RAP1GDS1: variants seen among roughly 807,000 people sequenced by gnomAD.
RAP1GDS1 encodes Rap1 GTPase-GDP dissociation stimulator 1, also known as RAP1, GTP-GDP dissociation stimulator 1.
RAP1GDS1 carries 35 observed loss-of-function variants against 71.1 expected under a neutral mutation model. The ratio of observed to expected loss-of-function variants is 0.49; its 90% CI spans 0.38 to 0.65. The LOEUF (loss-of-function observed/expected upper bound fraction) is 0.65. RAP1GDS1 is among the 30% of genes least tolerant of loss of function. RAP1GDS1 has a pLI of 0.00. For synonymous variants in RAP1GDS1, 229 were observed against 243.1 expected (o/e 0.94, Z 0.54); for missense variants, 663 against 706.1 (o/e 0.94, Z 0.69).
At chr4:98,268,558 C>T (rs1233207156) in intron 1 of RAP1GDS1, among the ~76,000 whole-genome samples, 2 of 151,484 alleles carry the variant, frequency 1.3e-5, no homozygotes, top group African/African-American at 2.4e-5. Context: ...ACATAGAAAG[C>T]CTTAAAGACT....
intron 2 of RAP1GDS1, among the ~76,000 whole-genome samples, chr4:98,310,922 A>G (rs534055042): frequency 2.2e-4 from 34 of 152,108 alleles, no homozygotes; most frequent in Non-Finnish European, 5.0e-4. Context: ...GGCTCACTTT[A>G]TATTTCCCTT....
intron 1 of RAP1GDS1, among the ~76,000 whole-genome samples, chr4:98,293,028 G>A (rs1727194182): frequency 6.6e-6 from 1 of 152,092 alleles, no homozygotes; most frequent in Non-Finnish European, 1.5e-5. Flanking sequence ...ATGTACAACA[G>A]AGGAAGTGAA....
intron 1 of RAP1GDS1, among the ~76,000 whole-genome samples, chr4:98,292,536 C>T (rs1170865631): frequency 2.0e-5 from 3 of 149,282 alleles, no homozygotes; most frequent in African/African-American, 7.4e-5. Context: ...GTATGTTCTG[C>T]AGATGTAAGC....
At chr4:98,392,218 C>A in intron 6 of RAP1GDS1, 138 bp downstream of exon 6, 2 of 834,240 alleles carry the variant, frequency 2.4e-6, no homozygotes, top group Non-Finnish European at 3.4e-6. Flanking sequence ...ATATTTCCAT[C>A]AATATTTTAA....
chr4:98,301,518 C>G (rs1728583384), intron 2 of RAP1GDS1, among the ~76,000 whole-genome samples: 1 of 152,114 alleles, frequency 6.6e-6, no homozygotes, highest in Non-Finnish European at 1.5e-5. Context: ...TCCAGCATAA[C>G]TAGGAGACAG....
intron 4 of RAP1GDS1, among the ~76,000 whole-genome samples, chr4:98,377,003 T>C (rs1371490543): frequency 6.6e-6 from 1 of 151,986 alleles, no homozygotes; most frequent in Non-Finnish European, 1.5e-5. Context: ...ATTTACTAGC[T>C]TAGTGTGGAT....
chr4:98,351,366 A>G (rs1737162961), intron 3 of RAP1GDS1, among the ~76,000 whole-genome samples: 1 of 152,160 alleles, frequency 6.6e-6, no homozygotes, highest in South Asian at 2.1e-4. Flanking sequence ...TAGGAGGAAA[A>G]GAAGTTGTCT....
chr4:98,369,477 A>G (rs1445010281), intron 4 of RAP1GDS1, among the ~76,000 whole-genome samples: 1 of 152,196 alleles, frequency 6.6e-6, no homozygotes, highest in African/African-American at 2.4e-5. Flanking sequence ...CAATCAGTAT[A>G]TTTGAGTGGA....
intron 2 of RAP1GDS1, among the ~76,000 whole-genome samples, chr4:98,326,837 A>G (rs542422175): frequency 6.6e-6 from 1 of 152,290 alleles, no homozygotes; most frequent in African/African-American, 2.4e-5. Context: ...TTTGGAAGGT[A>G]GGTGGAAGAA....
At chr4:98,328,177 A>C (rs1733420733) in intron 2 of RAP1GDS1, among the ~76,000 whole-genome samples, 1 of 152,194 alleles carries the variant, frequency 6.6e-6, no homozygotes, top group Non-Finnish European at 1.5e-5. Flanking sequence ...CAGTTACAGC[A>C]TGTGGTATTA....
At position 98,329,197 on chromosome 4, in the gene RAP1GDS1, G is replaced by C. The variant is rs529531627; in HGVS notation, c.113-13942G>C. ...AATACTCACAAATAATTTTTGAATT[G>C]GGGGGGCAGTCAAATAAGGAGAAAA... On this transcript the variant is annotated intron_variant, in intron 2 of 14. Transcript: ENST00000408927. Among the ~76,000 whole-genome samples the C allele has an allele frequency of 1.8e-3, 269 of 152,084 alleles. 1 individual carries two copies. The highest frequency in any genetic ancestry group is 5.2e-3 in the South Asian group (25 of 4,808).
At chr4:98,406,882 C>T (rs967553427) in intron 7 of RAP1GDS1, among the ~76,000 whole-genome samples, 1 of 151,934 alleles carries the variant, frequency 6.6e-6, no homozygotes, top group African/African-American at 2.4e-5. Flanking sequence ...ACTTCCAGTA[C>T]CTCAGAGGTC....
At chr4:98,286,540 T>C (rs1292659434) in intron 1 of RAP1GDS1, among the ~76,000 whole-genome samples, 1 of 152,146 alleles carries the variant, frequency 6.6e-6, no homozygotes, top group Non-Finnish European at 1.5e-5. Flanking sequence ...ACATGACAAG[T>C]AAGACTAGAG....
intron 2 of RAP1GDS1, among the ~76,000 whole-genome samples, chr4:98,341,262 T>G (rs1293759208): frequency 6.6e-6 from 1 of 152,234 alleles, no homozygotes; most frequent in Admixed American, 6.5e-5. Flanking sequence ...TTTTTCCCTT[T>G]TATTTCTTTG....
rs1391828672 is a variant in RAP1GDS1, at chr4:98,404,464, T to C, written c.638-13T>C. 6.4e-7 allele frequency: 1 copy of C among 1,564,654 alleles called. No homozygotes were observed. ...ACTTTATTTGGTTTAAGTTTTTCTT[T>C]TTTATTTTACAGAGTCAAGTAAAGA... On this transcript the variant is annotated splice_polypyrimidine_tract_variant and intron_variant, in intron 6 of 14. Transcript: ENST00000408927.
chr4:98,349,591 A>G (rs1018224407), intron 3 of RAP1GDS1, among the ~76,000 whole-genome samples: 1 of 152,192 alleles, frequency 6.6e-6, no homozygotes, highest in Non-Finnish European at 1.5e-5. Context: ...GATTCGTCCT[A>G]TCCACGAGCA....
At chr4:98,429,278 A>C (rs1341482175) in intron 12 of RAP1GDS1, among the ~76,000 whole-genome samples, 2 of 151,764 alleles carry the variant, frequency 1.3e-5, no homozygotes, top group African/African-American at 2.4e-5. Context: ...AAAAAAGAAA[A>C]GAAACTATGA....
At chr4:98,264,930 A>G (rs1359000720) in intron 1 of RAP1GDS1, among the ~76,000 whole-genome samples, 1 of 152,240 alleles carries the variant, frequency 6.6e-6, no homozygotes, top group Admixed American at 6.5e-5. Context: ...ATAGTGGGTA[A>G]CAGACATGAA....
intron 4 of RAP1GDS1, among the ~76,000 whole-genome samples, chr4:98,367,329 G>A (rs537566693): frequency 9.1e-4 from 139 of 152,352 alleles, no homozygotes; most frequent in Non-Finnish European, 1.4e-3. Context: ...TGCAGGAAAT[G>A]TATGGAAACA....
Sources: allele counts gnomAD v4.1 joint callset (sites outside exome capture counted in the v4.1 genomes callset), GRCh38; gene constraint gnomAD v4.1.1; transcripts MANE v1.5; gene names NCBI Gene and HGNC (gene_info 2026-07-23, HGNC 2026-07-21).